Variants in PPP1R9A observed in about 807,000 individuals in gnomAD.
PPP1R9A encodes the protein protein phosphatase 1 regulatory subunit 9A.
A neutral mutation model predicts 141.9 loss-of-function variants in PPP1R9A; 59 were observed. That is an observed-to-expected ratio of 0.42 (90% CI 0.34 to 0.52). The LOEUF (loss-of-function observed/expected upper bound fraction) is 0.52. Among genes scored for constraint, PPP1R9A ranks in the 20% least tolerant of loss-of-function variants. PPP1R9A has a pLI of 0.10. For missense variants in PPP1R9A, 1,444 were observed against 1,611.9 expected, an observed-to-expected ratio of 0.90 and a Z score of 1.78; for synonymous variants, 500 against 569.7, an observed-to-expected ratio of 0.88 and a Z score of 1.74.
chr7:95,203,770 C>T, intron 7 of PPP1R9A, 40 bp downstream of exon 7: 1 of 1,355,286 alleles, frequency 7.4e-7, no homozygotes, highest in Non-Finnish European at 1.0e-6. Flanking sequence ...CCTGTACTTT[C>T]CTGCTTCATA....
chr7:95,079,576 C>G (rs1377842105), intron 2 of PPP1R9A, among the ~76,000 whole-genome samples: 1 of 151,914 alleles, frequency 6.6e-6, no homozygotes, highest in Non-Finnish European at 1.5e-5. Flanking sequence ...GGAATCCTCC[C>G]TAACTCATTT....
chr7:95,183,401 A>G (rs2152803956), intron 5 of PPP1R9A, among the ~76,000 whole-genome samples: 1 of 150,516 alleles, frequency 6.6e-6, no homozygotes, highest in African/African-American at 2.4e-5. Context: ...TGGCCTCCCA[A>G]AGTGCTGGGA....
At chr7:95,204,755 CAT>C (rs1433884986) in intron 7 of PPP1R9A, among the ~76,000 whole-genome samples, 1 of 143,328 alleles carries the variant, frequency 7.0e-6, no homozygotes, top group African/African-American at 2.6e-5. Flanking sequence ...ACCCACCACA[CAT>C]ACCCACAAAC....
chr7:94,941,687 T>C (rs1795347236), intron 2 of PPP1R9A, among the ~76,000 whole-genome samples: 1 of 152,050 alleles, frequency 6.6e-6, no homozygotes, highest in Non-Finnish European at 1.5e-5. Context: ...TAAATAAGTG[T>C]TTGTGGGCTG....
rs1052050106 is a variant in PPP1R9A, at chr7:94,926,488, A to G, written c.1395+14980A>G. 2.0e-5 allele frequency among the ~76,000 whole-genome samples: 3 copies of G among 152,202 alleles called. 1 individual carries two copies. The highest frequency in any genetic ancestry group is 2.0e-4 in the Admixed American group (3 of 15,280). On this transcript the variant is annotated intron_variant, in intron 2 of 19. Transcript: ENST00000433360. ...GATTCCATCAGAAAGTTGTAAAGCT[A>G]CTTATTTAGAGGTTGCAGTAACTTG...
At position 95,290,138 on chromosome 7, in the gene PPP1R9A, A is replaced by G. The variant is rs200296386; in HGVS notation, c.3960A>G (p.Lys1320=). Residue 1320 remains lysine (K), a synonymous_variant, in exon 20 of 20, where the codon AAA becomes AAG. Transcript: ENST00000433360. ...ASQDRAVVKK[K]LKEMKMSLEK... ...AGGACCGAGCAGTGGTCAAAAAGAA[A>G]CTCAAGGAAATGAAGATGTCTCTAG... 1.5e-5 allele frequency: 24 copies of G among 1,614,078 alleles called. No individual in the cohort carries two copies. The East Asian group carries it at 4.9e-4, about 33-fold the overall frequency.
intron 5 of PPP1R9A, among the ~76,000 whole-genome samples, chr7:95,164,018 G>A (rs574564544): frequency 6.6e-6 from 1 of 152,314 alleles, no homozygotes; most frequent in African/African-American, 2.4e-5. Flanking sequence ...GATCACAGGT[G>A]TGAGCCACTG....
chr7:95,123,229 AC>A, intron 4 of PPP1R9A, among the ~76,000 whole-genome samples: 1 of 152,154 alleles, frequency 6.6e-6, no homozygotes, highest in African/African-American at 2.4e-5. Flanking sequence ...CTACATTAGA[AC>A]TCTGCTTTAC....
intron 4 of PPP1R9A, among the ~76,000 whole-genome samples, chr7:95,152,271 G>A (rs1333222059): frequency 6.6e-6 from 1 of 152,014 alleles, no homozygotes; most frequent in Non-Finnish European, 1.5e-5. Context: ...CTGATGAGAA[G>A]CATAATCTCT....
chr7:95,274,384 G>T (rs1265211862), intron 16 of PPP1R9A, among the ~76,000 whole-genome samples: 3 of 152,118 alleles, frequency 2.0e-5, no homozygotes, highest in Admixed American at 2.0e-4. Context: ...CTTAATTGCA[G>T]AATTATGGCC....
chr7:95,122,298 C>G (rs1196525959), intron 4 of PPP1R9A, among the ~76,000 whole-genome samples: 1 of 151,996 alleles, frequency 6.6e-6, no homozygotes, highest in African/African-American at 2.4e-5. Context: ...AGGTGTGGAC[C>G]ACCACGCCCA....
At chr7:95,117,035 A>G (rs2152468158) in intron 3 of PPP1R9A, among the ~76,000 whole-genome samples, 1 of 152,338 alleles carries the variant, frequency 6.6e-6, no homozygotes, top group East Asian at 1.9e-4. Context: ...AACATATTAA[A>G]GATGTTGTAA....
intron 2 of PPP1R9A, among the ~76,000 whole-genome samples, chr7:95,038,497 G>A (rs1808766530): frequency 6.6e-6 from 1 of 152,190 alleles, no homozygotes; most frequent in Middle Eastern, 3.4e-3. Context: ...GGTGGGAGAA[G>A]TGGACAAGTA....
intron 5 of PPP1R9A, among the ~76,000 whole-genome samples, chr7:95,180,850 A>G (rs1178926637): frequency 1.3e-5 from 2 of 152,124 alleles, no homozygotes; most frequent in Admixed American, 6.6e-5. Context: ...AGAATTGGGC[A>G]TAATCAAAAA....
chr7:95,122,915 G>A (rs945924067), intron 4 of PPP1R9A, among the ~76,000 whole-genome samples: 1 of 151,744 alleles, frequency 6.6e-6, no homozygotes, highest in Admixed American at 6.6e-5. Context: ...AAGATCATGG[G>A]AAATAATGCT....
chr7:95,048,427 T>A (rs1020890077), intron 2 of PPP1R9A, among the ~76,000 whole-genome samples: 4 of 152,196 alleles, frequency 2.6e-5, no homozygotes, highest in African/African-American at 9.6e-5. Context: ...TATAGCAGTG[T>A]CTTGGAAGAG....
At chr7:95,115,510 T>C (rs1821322631) in intron 3 of PPP1R9A, among the ~76,000 whole-genome samples, 5 of 152,184 alleles carry the variant, frequency 3.3e-5, no homozygotes, top group African/African-American at 9.6e-5. Flanking sequence ...TGAAATACCA[T>C]ATAAGTTTAT....
chr7:94,998,361 G>A (rs1380012213), intron 2 of PPP1R9A, among the ~76,000 whole-genome samples: 1 of 152,126 alleles, frequency 6.6e-6, no homozygotes, highest in African/African-American at 2.4e-5. Context: ...CATTTTACAG[G>A]AGGAAACTAA....
intron 6 of PPP1R9A, chr7:95,202,579 G>A: frequency 1.1e-6 from 1 of 899,798 alleles, no homozygotes; most frequent in African/African-American, 1.8e-5. Flanking sequence ...AGGTTGCCAT[G>A]GAGGATTTCA....
Sources: allele counts gnomAD v4.1 joint callset (sites outside exome capture counted in the v4.1 genomes callset), GRCh38; gene constraint gnomAD v4.1.1; transcripts MANE v1.5; gene names NCBI Gene and HGNC (gene_info 2026-07-23, HGNC 2026-07-21).